Variants in TMEM266 observed in about 807,000 individuals in gnomAD.
TMEM266 encodes the protein transmembrane protein 266.
Under a neutral mutation model 50.5 loss-of-function variants are expected in TMEM266, and 33 were observed. The ratio of observed to expected loss-of-function variants is 0.65; its 90% confidence interval spans 0.50 to 0.87. The LOEUF is 0.87. Ranked by LOEUF, TMEM266 falls within the 40% of genes least tolerant of loss-of-function variation. TMEM266 has a pLI of 0.00. For synonymous variants in TMEM266, 310 were observed against 292.3 expected, an observed-to-expected ratio of 1.06 and a Z score of -0.62; for missense variants, 655 against 695.1, an observed-to-expected ratio of 0.94 and a Z score of 0.65.
intron 5 of TMEM266, among the ~76,000 whole-genome samples, chr15:76,166,447 G>A (rs1423180671): frequency 2.0e-5 from 3 of 152,148 alleles, no homozygotes; most frequent in African/African-American, 4.8e-5. Context: ...CCAGGCCTCC[G>A]AGGATGGGTC....
At chr15:76,079,257 G>A (rs1009388990) in intron 1 of TMEM266, among the ~76,000 whole-genome samples, 2 of 150,040 alleles carry the variant, frequency 1.3e-5, no homozygotes, top group Non-Finnish European at 3.0e-5. Context: ...GGAGGCTGAG[G>A]CTGGAGAATC....
chr15:76,078,453 C>T (rs1287269572), intron 1 of TMEM266, among the ~76,000 whole-genome samples: 1 of 151,146 alleles, frequency 6.6e-6, no homozygotes, highest in East Asian at 1.9e-4. Flanking sequence ...CTAAGTTTGA[C>T]TCAACCTTGA....
rs75361446 is a variant in TMEM266, at chr15:76,169,218, G to T, written c.457-598G>T. ...GGGTGCTTCTGCTTGCTACCCATTG[G>T]CCAGAATGTAGTCACAAGGCCACTC... On this transcript the variant is annotated intron_variant, in intron 5 of 10. Transcript: ENST00000388942. Among the ~76,000 whole-genome samples the T allele has an allele frequency of 7.8e-3, 1,181 of 152,102 alleles. 20 individuals carry two copies. Among genetic ancestry groups the T allele is most frequent in the African/African-American group, 0.027 (1,138 of 41,460 alleles).
chr15:76,120,053 C>G (rs1360906790), intron 1 of TMEM266, among the ~76,000 whole-genome samples: 1 of 152,024 alleles, frequency 6.6e-6, no homozygotes, highest in African/African-American at 2.4e-5. Flanking sequence ...ATTGTTAAAG[C>G]CCTTTACAAA....
At chr15:76,068,240 C>T (rs1306092320) in intron 1 of TMEM266, among the ~76,000 whole-genome samples, 1 of 152,166 alleles carries the variant, frequency 6.6e-6, no homozygotes, top group Non-Finnish European at 1.5e-5. Flanking sequence ...CCTGATTTGG[C>T]CAGAGATTAC....
intron 1 of TMEM266, among the ~76,000 whole-genome samples, chr15:76,128,811 G>T (rs1468824623): frequency 1.3e-5 from 2 of 152,144 alleles, no homozygotes; most frequent in Non-Finnish European, 2.9e-5. Flanking sequence ...AGAGAGGCCA[G>T]TCGTTTCTTC....
chr15:76,095,735 A>G (rs1262416036), intron 1 of TMEM266, among the ~76,000 whole-genome samples: 1 of 151,940 alleles, frequency 6.6e-6, no homozygotes, highest in Non-Finnish European at 1.5e-5. Context: ...CTGTGAATCC[A>G]TCTGGTCCTG....
Position 76,114,824 on chromosome 15 carries a change from ACT to A in TMEM266, c.-96-19338_-96-19337del, listed in dbSNP as rs544936631. On this transcript the variant is annotated intron_variant, in intron 1 of 10. Coordinates refer to ENST00000388942, the MANE Select transcript of TMEM266 (RefSeq NM_152335.3). Reference sequence around the variant, plus strand: ...CCCACAAGGAAACCCCATTAAAGTCACTCTCTCCCACCAGTCCCTGTCAACCA... The same window carrying A: ...CCCACAAGGAAACCCCATTAAAGTCACTCTCCCACCAGTCCCTGTCAACCA... Among the ~76,000 whole-genome samples the A allele has an allele frequency of 1.2e-3, 176 of 151,594 alleles. 1 individual carries two copies. The highest frequency in any genetic ancestry group is 4.1e-3 in the African/African-American group (168 of 41,312).
At chr15:76,128,752 C>A (rs1324809669) in intron 1 of TMEM266, among the ~76,000 whole-genome samples, 1 of 152,222 alleles carries the variant, frequency 6.6e-6, no homozygotes, top group Non-Finnish European at 1.5e-5. Context: ...TATTGTCCAT[C>A]TAAATATGAT....
chr15:76,076,394 G>T (rs187961766), intron 1 of TMEM266, among the ~76,000 whole-genome samples: 172 of 152,158 alleles, frequency 1.1e-3, no homozygotes, highest in Non-Finnish European at 2.1e-3. Flanking sequence ...CAAGCAATGG[G>T]TGCCTCTTTC....
chr15:76,129,111 C>G (rs1332091115), intron 1 of TMEM266, among the ~76,000 whole-genome samples: 1 of 152,012 alleles, frequency 6.6e-6, no homozygotes, highest in Non-Finnish European at 1.5e-5. Context: ...GAAAAAGGGA[C>G]AACAAAATTA....
At chr15:76,177,790 C>T (rs2038314596) in intron 8 of TMEM266, among the ~76,000 whole-genome samples, 1 of 152,190 alleles carries the variant, frequency 6.6e-6, no homozygotes, top group Non-Finnish European at 1.5e-5. Flanking sequence ...TTGTGCCGGG[C>T]ATGTGGATGC....
intron 9 of TMEM266, among the ~76,000 whole-genome samples, chr15:76,195,971 T>C (rs774147424): frequency 6.6e-6 from 1 of 152,084 alleles, no homozygotes; most frequent in African/African-American, 2.4e-5. Flanking sequence ...GCAGCCCCCA[T>C]AGTGGGCAAC....
intron 1 of TMEM266, among the ~76,000 whole-genome samples, chr15:76,100,707 G>A (rs776838100): frequency 4.6e-5 from 7 of 152,158 alleles, no homozygotes; most frequent in Non-Finnish European, 1.0e-4. Flanking sequence ...CAGTCATTTC[G>A]CTGCCCCTGG....
chr15:76,072,151 T>C (rs1392432469), intron 1 of TMEM266, among the ~76,000 whole-genome samples: 2 of 152,018 alleles, frequency 1.3e-5, no homozygotes, highest in African/African-American at 4.8e-5. Flanking sequence ...AAAGAAGCAC[T>C]GGACCGGCCG....
intron 3 of TMEM266, among the ~76,000 whole-genome samples, chr15:76,150,353 A>G (rs1218660903): frequency 1.3e-5 from 2 of 152,158 alleles, no homozygotes; most frequent in Non-Finnish European, 2.9e-5. Context: ...TTCCAGTCTC[A>G]TTTTGATCAC....
chr15:76,132,809 TAG>T (rs2037530636), intron 1 of TMEM266, among the ~76,000 whole-genome samples: 4 of 127,356 alleles, frequency 3.1e-5, no homozygotes, highest in African/African-American at 1.2e-4. Context: ...ATAATAATAA[TAG>T]TAATTATTAT....
chr15:76,098,926 C>A (rs561856969), intron 1 of TMEM266, among the ~76,000 whole-genome samples: 2 of 152,090 alleles, frequency 1.3e-5, no homozygotes, highest in Admixed American at 6.6e-5. Flanking sequence ...GCCCCTCCCC[C>A]CCACCAAGCT....
intron 1 of TMEM266, among the ~76,000 whole-genome samples, chr15:76,093,758 A>C (rs1180742085): frequency 6.6e-6 from 1 of 152,012 alleles, no homozygotes; most frequent in Admixed American, 6.5e-5. Flanking sequence ...CTGTTTCTCC[A>C]CATCCTCTCC....
Sources: allele counts gnomAD v4.1 joint callset (sites outside exome capture counted in the v4.1 genomes callset), GRCh38; gene constraint gnomAD v4.1.1; transcripts MANE v1.5; gene names NCBI Gene and HGNC (gene_info 2026-07-23, HGNC 2026-07-21).